Variants in CDH23 observed in about 807,000 individuals in gnomAD.
CDH23 encodes cadherin-23.
Under a neutral mutation model 317.1 loss-of-function variants are expected in CDH23, and 189 were observed. The ratio of observed to expected loss-of-function variants is 0.60; its 90% confidence interval spans 0.53 to 0.67. The LOEUF (loss-of-function observed/expected upper bound fraction) is 0.67. Ranked by LOEUF, CDH23 falls within the 30% of genes least tolerant of loss-of-function variation. The pLI is 0.00. For missense variants in CDH23, 4,401 were observed against 4,592.4 expected (o/e 0.96, Z 1.20); for synonymous variants, 1,839 against 1,876.8 (o/e 0.98, Z 0.52).
rs139966820 is a variant in CDH23, at chr10:71,708,897, C to T, written c.3107-201C>T. Among the ~76,000 whole-genome samples, 813 of 152,322 alleles carry T rather than the reference C, an allele frequency of 5.3e-3. 8 individuals are homozygous for T. The highest frequency in any genetic ancestry group is 0.019 in the African/African-American group (770 of 41,578). Reference sequence around the variant, plus strand: ...GGAGGTGCTTCGTGAAGGTTAGGAACGGATTCCAGGCATCTGGCACCCCCG... The same window carrying T: ...GGAGGTGCTTCGTGAAGGTTAGGAATGGATTCCAGGCATCTGGCACCCCCG... On this transcript the variant is annotated intron_variant, in intron 26 of 69. Transcript: ENST00000224721.
In CDH23 at chr10:71,784,379, A is replaced by T. The variant is rs1841040415; in HGVS notation, c.5461A>T (p.Ile1821Phe). ...RETIAFYNLT[I>F]CARDRGMPPL... ...GACCATCGCCTTCTACAACCTGACC[A>T]TCTGTGCCCGTGACCGGGGGATGCC... is the stretch of plus-strand genomic sequence containing the variant. Residue 1821 changes from isoleucine to phenylalanine, a missense_variant, in exon 42 of 70, where the codon ATC becomes TTC. Ile to Phe is a conservative substitution (Grantham distance 21, BLOSUM62 0). Transcript: ENST00000224721. 1 of 1,613,704 alleles carries T rather than the reference A, an allele frequency of 6.2e-7. No individual in the cohort carries two copies. The highest frequency in any genetic ancestry group is 1.7e-5 in the Admixed American group (1 of 59,990).
Position 71,785,728 on chromosome 10 carries a change from T to C in CDH23, c.5810T>C (p.Ile1937Thr), listed in dbSNP as rs746883593. The change falls in exon 44 of 70, where the codon ATA becomes ACA. Residue 1937 changes from isoleucine to threonine, a missense_variant. By Grantham distance (89) the Ile-to-Thr change is moderately conservative. This residue lies in a region of CDH23 where 3,068 missense variants were observed against 3,203.3 expected (regional missense o/e 0.96). Coordinates refer to ENST00000224721, the MANE Select transcript of CDH23 (RefSeq NM_022124.6). Reference sequence around the variant, plus strand: ...AAGGACAACCCGGAGAATCCACGCATAGCCAGGAGGGTGAGACTGGAGGGC... The same window carrying C: ...AAGGACAACCCGGAGAATCCACGCACAGCCAGGAGGGTGAGACTGGAGGGC... Reference protein sequence around the residue: ...SVKDNPENPRIARRDYDLLLI... With the variant: ...SVKDNPENPRTARRDYDLLLI... The C allele has an allele frequency of 5.0e-6, 8 of 1,599,636 alleles. No homozygotes were observed. The Admixed American group carries it at 1.2e-4, about 24-fold the overall frequency.
At chr10:71,644,995 C>CCCA (rs1378249719) in intron 12 of CDH23, among the ~76,000 whole-genome samples, 1 of 152,216 alleles carries the variant, frequency 6.6e-6, no homozygotes, top group Admixed American at 6.5e-5. Context: ...AGCTGAATCT[C>CCCA]CCACCTTCAG....
At chr10:71,636,441 G>A (rs979686468) in intron 11 of CDH23, among the ~76,000 whole-genome samples, 19 of 152,174 alleles carry the variant, frequency 1.2e-4, no homozygotes, top group Admixed American at 2.0e-4. Flanking sequence ...CCAGGAGGTT[G>A]AGGCTGCAGT....
chr10:71,431,047 T>C (rs1211590233), intron 1 of CDH23, among the ~76,000 whole-genome samples: 1 of 152,152 alleles, frequency 6.6e-6, no homozygotes, highest in Non-Finnish European at 1.5e-5. Context: ...ATACAGAACT[T>C]CTGGAATGAG....
chr10:71,728,194 C>A (rs528369654), intron 30 of CDH23, among the ~76,000 whole-genome samples: 5 of 152,142 alleles, frequency 3.3e-5, no homozygotes, highest in Non-Finnish European at 5.9e-5. Flanking sequence ...CAAACTCCCC[C>A]CCGCACCCAC....
chr10:71,753,588 A>C (rs1443092689), intron 38 of CDH23, among the ~76,000 whole-genome samples: 2 of 151,976 alleles, frequency 1.3e-5, no homozygotes, highest in African/African-American at 2.4e-5. Flanking sequence ...CAGCCACTTC[A>C]CTCACTTTCT....
At chr10:71,611,158 C>T (rs1037494786) in intron 9 of CDH23, among the ~76,000 whole-genome samples, 2 of 151,970 alleles carry the variant, frequency 1.3e-5, no homozygotes, top group East Asian at 1.9e-4. Flanking sequence ...AGCAGAGAAA[C>T]TTGCATGTGT....
chr10:71,502,436 C>T (rs1853389421), intron 3 of CDH23, among the ~76,000 whole-genome samples: 1 of 152,202 alleles, frequency 6.6e-6, no homozygotes, highest in South Asian at 2.1e-4. Flanking sequence ...GACTGGCTAG[C>T]TCCCTGGCCC....
At chr10:71,641,376 C>T (rs887398348) in intron 11 of CDH23, among the ~76,000 whole-genome samples, 1 of 152,184 alleles carries the variant, frequency 6.6e-6, no homozygotes, top group African/African-American at 2.4e-5. Context: ...AAGGCCACCT[C>T]CCTCTCCCCT....
Position 71,812,163 on chromosome 10 carries a change from CCTCCACCCTCA to C in CDH23, c.9380+149_9380+159del, listed in dbSNP as rs1841954080. On this transcript the variant is annotated intron_variant, in intron 66 of 69. Transcript: ENST00000224721. Reference sequence around the variant, plus strand: ...GGCGGGCCACCCTCCCTTCACCCTCCCTCCACCCTCAGAAACCACGTGGCTGACAGGGGCTC... The same window carrying C: ...GGCGGGCCACCCTCCCTTCACCCTCCGAAACCACGTGGCTGACAGGGGCTC... The C allele has an allele frequency of 3.2e-6, 5 of 1,586,648 alleles. No individual in the cohort carries two copies. The South Asian group carries it at 5.6e-5, about 18-fold the overall frequency.
intron 3 of CDH23, among the ~76,000 whole-genome samples, chr10:71,450,033 C>T (rs1362700655): frequency 6.6e-6 from 1 of 152,218 alleles, no homozygotes; most frequent in East Asian, 1.9e-4. Context: ...CAGACAGGGC[C>T]CTGAATCCCT....
At chr10:71,790,185 C>T in intron 45 of CDH23, 103 bp from the exon 46 acceptor site, 3 of 1,480,526 alleles carry the variant, frequency 2.0e-6, no homozygotes, top group African/African-American at 2.7e-5. Flanking sequence ...ACCTCCCTCC[C>T]CTCTCATCCA....
intron 57 of CDH23, 109 bp downstream of exon 57, chr10:71,806,390 C>A: frequency 1.3e-6 from 1 of 755,036 alleles, no homozygotes; most frequent in Non-Finnish European, 2.3e-6. Context: ...TGGCTAGACA[C>A]GGAAACATGT....
In CDH23 at chr10:71,806,291, C is replaced by A. The variant is rs1841719538; in HGVS notation, c.8178+10C>A. ...TTTCGTGAGGCCTCCAGTGAGCTTG[C>A]CCACCTCCTGCGCTGGTCACACCCA... On this transcript the variant is annotated intron_variant, in intron 57 of 69. Transcript: ENST00000224721. 6.5e-7 allele frequency: 1 copy of A among 1,537,928 alleles called. No individual in the cohort carries two copies. The highest frequency in any genetic ancestry group is 8.8e-7 in the Non-Finnish European group (1 of 1,137,470).
rs772736247 is a variant in CDH23, at chr10:71,695,517, G to A, written c.2389G>A (p.Val797Met). The change falls in exon 22 of 70, where the codon GTG (valine) becomes ATG (methionine). Residue 797 changes from valine (V) to methionine (M), a missense_variant. Coordinates refer to ENST00000224721, the MANE Select transcript of CDH23 (RefSeq NM_022124.6). The stretch of plus-strand genomic sequence containing the variant: ...GGAGATGACCCCTCCAGACTCTGAT[G>A]TGACCACGGTAGGTGGTGGCAGAGC... Reference protein sequence around the residue: ...LVEMTPPDSDVTTVVAVDPDL... With the variant: ...LVEMTPPDSDMTTVVAVDPDL... 12 of 1,607,168 alleles carry A rather than the reference G, an allele frequency of 7.5e-6. No individual in the cohort carries two copies. Among genetic ancestry groups the A allele is most frequent in the Middle Eastern group, 1.6e-4 (1 of 6,070 alleles).
intron 13 of CDH23, 114 bp downstream of exon 13, chr10:71,646,094 C>A (rs975434291): frequency 7.4e-7 from 1 of 1,351,722 alleles, no homozygotes; most frequent in Admixed American, 2.4e-5. Flanking sequence ...CCCATCTTCC[C>A]TTGTGGATCT....
chr10:71,798,242 G>A (rs891809116), intron 49 of CDH23, 112 bp from the exon 50 acceptor site: 4 of 752,384 alleles, frequency 5.3e-6, no homozygotes, highest in Admixed American at 4.1e-5. Context: ...GGCAGCCTCT[G>A]GGGGGCTGTG....
chr10:71,583,628 A>G (rs1199844154), intron 9 of CDH23, among the ~76,000 whole-genome samples: 2 of 152,100 alleles, frequency 1.3e-5, no homozygotes, highest in Non-Finnish European at 2.9e-5. Flanking sequence ...TCCTCTTTTC[A>G]TGCTGAAAAG....
Sources: gnomAD v4.1 joint callset for allele counts (sites outside exome capture counted in the v4.1 genomes callset) on GRCh38, gnomAD v4.1.1 for gene constraint, gnomAD v4.1.1 regional missense constraint, MANE v1.5 for transcripts, NCBI Gene and HGNC (gene_info 2026-07-23, HGNC 2026-07-21) for gene names.